The following ZNF385D variants were observed in gnomAD, a reference collection of about 807,000 sequenced individuals.
The protein encoded by ZNF385D is zinc finger protein 385D, also known as zinc finger protein 659.
A neutral mutation model predicts 35.8 loss-of-function variants in ZNF385D; 15 were observed. That is an observed-to-expected ratio of 0.42 (90% CI 0.28 to 0.64). ZNF385D has a LOEUF of 0.64. ZNF385D is among the 30% of genes least tolerant of loss of function. The probability of loss-of-function intolerance (pLI) is 0.23; values close to 1 mark genes in which losing one functional copy is unlikely to be tolerated. For synonymous variants in ZNF385D, 212 were observed against 186.8 expected (o/e 1.13, Z -1.10); for missense variants, 474 against 494.6 (o/e 0.96, Z 0.39).
intron 2 of ZNF385D, among the ~76,000 whole-genome samples, chr3:21,604,464 G>T (rs2125772894): frequency 6.6e-6 from 1 of 152,324 alleles, no homozygotes; most frequent in Middle Eastern, 3.4e-3. Context: ...GTTTGGCAGT[G>T]CTATGCTAAG....
intron 2 of ZNF385D, among the ~76,000 whole-genome samples, chr3:22,225,624 A>G (rs1698510093): frequency 6.6e-6 from 1 of 152,174 alleles, no homozygotes; most frequent in Non-Finnish European, 1.5e-5. Flanking sequence ...TGGTAGCTGC[A>G]TTATAACACA....
chr3:22,276,087 AAAAT>A (rs999760127), intron 2 of ZNF385D, among the ~76,000 whole-genome samples: 29 of 152,138 alleles, frequency 1.9e-4, no homozygotes, highest in Admixed American at 7.9e-4. Context: ...TTTGTCTCAA[AAAAT>A]AAATAAAGAA....
At chr3:21,706,104 AGTTACTCATTG>A (rs1365076328) in intron 1 of ZNF385D, among the ~76,000 whole-genome samples, 1 of 152,200 alleles carries the variant, frequency 6.6e-6, no homozygotes, top group African/African-American at 2.4e-5. Flanking sequence ...TCCTTAGAAT[AGTTACTCATTG>A]GTTACAGGAC....
chr3:22,341,963 A>G (rs1013324846), intron 2 of ZNF385D, among the ~76,000 whole-genome samples: 2 of 152,170 alleles, frequency 1.3e-5, no homozygotes, highest in Non-Finnish European at 2.9e-5. Context: ...TTAACACTGA[A>G]AACTGTTTAA....
chr3:22,066,575 TG>T (rs1699974428), intron 3 of ZNF385D, among the ~76,000 whole-genome samples: 1 of 110,732 alleles, frequency 9.0e-6, no homozygotes, highest in Non-Finnish European at 1.9e-5. Flanking sequence ...TGTGTGTGTG[TG>T]TGTGTAAGTA....
At chr3:22,015,973 A>C (rs963504396) in intron 3 of ZNF385D, among the ~76,000 whole-genome samples, 3 of 152,150 alleles carry the variant, frequency 2.0e-5, no homozygotes, top group Admixed American at 6.6e-5. Context: ...TTTTGGGTAC[A>C]AACCAAAAGA....
At chr3:21,945,096 ATGTG>A (rs375492920) in intron 3 of ZNF385D, among the ~76,000 whole-genome samples, 67 of 151,250 alleles carry the variant, frequency 4.4e-4, no homozygotes, top group Non-Finnish European at 8.0e-4. Flanking sequence ...CTATATTTGA[ATGTG>A]TGTGTGTGTG....
At chr3:22,213,221 TTC>T (rs1307357616) in intron 2 of ZNF385D, among the ~76,000 whole-genome samples, 1 of 152,086 alleles carries the variant, frequency 6.6e-6, no homozygotes, top group African/African-American at 2.4e-5. Context: ...GACAAATGCT[TTC>T]TCTCAAAGGA....
At chr3:21,716,559 T>A (rs1481369545) in intron 1 of ZNF385D, among the ~76,000 whole-genome samples, 2 of 152,180 alleles carry the variant, frequency 1.3e-5, no homozygotes, top group Admixed American at 1.3e-4. Context: ...GGATGATGTT[T>A]TGCCTAGATA....
chr3:21,959,948 A>G (rs1702492375), intron 3 of ZNF385D, among the ~76,000 whole-genome samples: 1 of 151,970 alleles, frequency 6.6e-6, no homozygotes, highest in African/African-American at 2.4e-5. Context: ...TGCTAAAAGA[A>G]AACATAGGGG....
chr3:22,187,110 T>A (rs750456107), intron 2 of ZNF385D, among the ~76,000 whole-genome samples: 4 of 152,134 alleles, frequency 2.6e-5, no homozygotes, highest in Non-Finnish European at 4.4e-5. Flanking sequence ...ATCTAACATC[T>A]TCCCACATAT....
chr3:22,199,684 T>TA (rs1696652865), intron 2 of ZNF385D, among the ~76,000 whole-genome samples: 1 of 152,136 alleles, frequency 6.6e-6, no homozygotes, highest in African/African-American at 2.4e-5. Context: ...AACACTGTAG[T>TA]AAAAAATTTT....
intron 3 of ZNF385D, among the ~76,000 whole-genome samples, chr3:22,132,127 C>A (rs1444724985): frequency 6.6e-6 from 1 of 152,086 alleles, no homozygotes; most frequent in East Asian, 1.9e-4. Context: ...ATATTAGTGT[C>A]CATGTCATAT....
At chr3:22,046,745 AT>A (rs1699028209) in intron 3 of ZNF385D, among the ~76,000 whole-genome samples, 1 of 152,148 alleles carries the variant, frequency 6.6e-6, no homozygotes, top group Non-Finnish European at 1.5e-5. Flanking sequence ...CATCTTGATC[AT>A]TATTTCATTT....
At chr3:21,516,105 TA>T (rs1339176195) in intron 3 of ZNF385D, among the ~76,000 whole-genome samples, 3 of 152,184 alleles carry the variant, frequency 2.0e-5, no homozygotes, top group African/African-American at 7.2e-5. Flanking sequence ...CATCCCCAAC[TA>T]ATCAGTAGCA....
intron 4 of ZNF385D, among the ~76,000 whole-genome samples, chr3:21,470,313 G>A (rs1166610895): frequency 6.6e-6 from 1 of 152,116 alleles, no homozygotes; most frequent in Non-Finnish European, 1.5e-5. Context: ...CAGGAAAGCA[G>A]GTAGCTGTCC....
At chr3:21,580,522 C>G (rs1194378954) in intron 2 of ZNF385D, among the ~76,000 whole-genome samples, 1 of 152,080 alleles carries the variant, frequency 6.6e-6, no homozygotes, top group Non-Finnish European at 1.5e-5. Flanking sequence ...AAATTGTGGG[C>G]AGTACCTAAG....
At chr3:22,047,405 C>T (rs886100138) in intron 3 of ZNF385D, among the ~76,000 whole-genome samples, 4 of 152,060 alleles carry the variant, frequency 2.6e-5, no homozygotes, top group African/African-American at 9.7e-5. Context: ...TCCTTTATTA[C>T]CCCACTCCTC....
At chr3:21,435,087 G>A (rs1004274118) in intron 5 of ZNF385D, among the ~76,000 whole-genome samples, 2 of 152,030 alleles carry the variant, frequency 1.3e-5, no homozygotes, top group Admixed American at 1.3e-4. Flanking sequence ...CCTGGGCATA[G>A]CGCTTGGGTA....
Sources: gnomAD v4.1 joint callset for allele counts (sites outside exome capture counted in the v4.1 genomes callset) on GRCh38, gnomAD v4.1.1 for gene constraint, MANE v1.5 for transcripts, NCBI Gene and HGNC (gene_info 2026-07-23, HGNC 2026-07-21) for gene names.